Variants in FRAS1 observed in about 807,000 individuals in gnomAD.
The protein encoded by FRAS1 is Fraser extracellular matrix complex subunit 1.
Under a neutral mutation model 435.2 loss-of-function variants are expected in FRAS1, and 290 were observed. The observed-to-expected ratio is 0.67, with a 90% CI of 0.61 to 0.73. The LOEUF (loss-of-function observed/expected upper bound fraction) is 0.73. FRAS1 is among the 30% of genes least tolerant of loss of function. The pLI is 0.00. For missense variants in FRAS1, 4,860 were observed against 5,001.5 expected (o/e 0.97, Z 0.85); for synonymous variants, 1,800 against 1,851.0 (o/e 0.97, Z 0.71).
At chr4:78,298,282 G>A (rs537746049) in intron 14 of FRAS1, among the ~76,000 whole-genome samples, 40 of 123,730 alleles carry the variant, frequency 3.2e-4, no homozygotes, top group African/African-American at 1.2e-3. Context: ...GGTATACAAT[G>A]TGATATTATA....
At chr4:78,463,251 C>T (rs1374935087) in intron 47 of FRAS1, among the ~76,000 whole-genome samples, 1 of 151,872 alleles carries the variant, frequency 6.6e-6, no homozygotes, top group African/African-American at 2.4e-5. Flanking sequence ...GGATAGTTTA[C>T]CATTGTTTAA....
At chr4:78,084,003 C>G (rs1741026521) in intron 2 of FRAS1, among the ~76,000 whole-genome samples, 1 of 151,990 alleles carries the variant, frequency 6.6e-6, no homozygotes, top group Non-Finnish European at 1.5e-5. Context: ...TTGATTCTCC[C>G]TCACTCCACT....
intron 66 of FRAS1, among the ~76,000 whole-genome samples, chr4:78,517,279 A>G (rs1347230935): frequency 6.6e-6 from 1 of 152,198 alleles, no homozygotes; most frequent in Non-Finnish European, 1.5e-5. Context: ...TAAGGCGTTC[A>G]TCGGTTTTCC....
At chr4:78,064,102 G>A (rs1739881449) in intron 1 of FRAS1, among the ~76,000 whole-genome samples, 1 of 151,486 alleles carries the variant, frequency 6.6e-6, no homozygotes, top group Admixed American at 6.6e-5. Flanking sequence ...GAACTACTAA[G>A]TCTTGGAACA....
chr4:78,318,665 T>C, intron 17 of FRAS1, 145 bp from the exon 18 acceptor site: 3 of 745,894 alleles, frequency 4.0e-6, no homozygotes, highest in East Asian at 2.9e-5. Context: ...TTATTATCAC[T>C]CTGTGCTTTG....
intron 2 of FRAS1, among the ~76,000 whole-genome samples, chr4:78,087,157 G>A (rs1741225167): frequency 6.6e-6 from 1 of 152,094 alleles, no homozygotes. Context: ...CATATAAACA[G>A]AACCAAAGAC....
chr4:78,338,103 T>G (rs777018611), intron 20 of FRAS1: 1 of 289,738 alleles, frequency 3.5e-6, no homozygotes, highest in Non-Finnish European at 6.6e-6. Context: ...CATTCAAAAC[T>G]TCTTAAGATA....
intron 69 of FRAS1, among the ~76,000 whole-genome samples, chr4:78,525,934 C>T (rs116173303): frequency 5.0e-4 from 76 of 152,260 alleles, no homozygotes; most frequent in Admixed American, 2.4e-3. Flanking sequence ...TCTTGTTCTT[C>T]GACTTTATAA....
At chr4:78,088,486 C>A (rs1255378069) in intron 2 of FRAS1, among the ~76,000 whole-genome samples, 1 of 151,892 alleles carries the variant, frequency 6.6e-6, no homozygotes, top group East Asian at 1.9e-4. Flanking sequence ...TCAGAGTGAA[C>A]AGGCAACCTA....
At chr4:78,385,195 A>AC (rs1235205240) in intron 28 of FRAS1, among the ~76,000 whole-genome samples, 1 of 152,158 alleles carries the variant, frequency 6.6e-6, no homozygotes, top group East Asian at 1.9e-4. Context: ...TGCTCTAGAA[A>AC]CTGGGCTTGA....
chr4:78,162,356 A>G (rs984785452), intron 2 of FRAS1, among the ~76,000 whole-genome samples: 2 of 152,178 alleles, frequency 1.3e-5, no homozygotes, highest in African/African-American at 4.8e-5. Context: ...TCGGTCTCCC[A>G]AAAAAATTTG....
intron 2 of FRAS1, among the ~76,000 whole-genome samples, chr4:78,213,389 C>G (rs1723601987): frequency 6.6e-6 from 1 of 152,254 alleles, no homozygotes; most frequent in Non-Finnish European, 1.5e-5. Flanking sequence ...CACGATATTT[C>G]CATTGACTTG....
chr4:78,114,309 C>T (rs1239526794), intron 2 of FRAS1, among the ~76,000 whole-genome samples: 1 of 152,106 alleles, frequency 6.6e-6, no homozygotes, highest in Non-Finnish European at 1.5e-5. Flanking sequence ...CTTGGCAATG[C>T]AGGCTCTTTT....
intron 2 of FRAS1, among the ~76,000 whole-genome samples, chr4:78,078,975 G>A (rs1169783023): frequency 1.3e-5 from 2 of 152,102 alleles, no homozygotes; most frequent in African/African-American, 4.8e-5. Flanking sequence ...TTGCTTTCTG[G>A]CATTATGTAT....
chr4:78,084,311 A>G (rs1741043573), intron 2 of FRAS1, among the ~76,000 whole-genome samples: 1 of 152,108 alleles, frequency 6.6e-6, no homozygotes, highest in Admixed American at 6.6e-5. Flanking sequence ...ATAGAAATGA[A>G]TGTATAGAAA....
At chr4:78,423,188 A>G (rs1733859472) in intron 34 of FRAS1, among the ~76,000 whole-genome samples, 1 of 150,062 alleles carries the variant, frequency 6.7e-6, no homozygotes, top group African/African-American at 2.5e-5. Flanking sequence ...TTTTTTTAAG[A>G]TGGAGTCTCA....
At chr4:78,191,361 A>T (rs536721797) in intron 2 of FRAS1, among the ~76,000 whole-genome samples, 46 of 152,270 alleles carry the variant, frequency 3.0e-4, no homozygotes, top group African/African-American at 1.1e-3. Context: ...TGGCCTTGTC[A>T]TCTAGCTTTT....
At chr4:78,222,438 A>G (rs1011341835) in intron 2 of FRAS1, among the ~76,000 whole-genome samples, 8 of 152,334 alleles carry the variant, frequency 5.3e-5, no homozygotes, top group Admixed American at 2.6e-4. Context: ...GGCTTTGCAC[A>G]CAGCGACTTC....
chr4:78,425,356 C>T (rs1472695400), intron 35 of FRAS1, among the ~76,000 whole-genome samples: 1 of 152,132 alleles, frequency 6.6e-6, no homozygotes, highest in Non-Finnish European at 1.5e-5. Flanking sequence ...TGCCAATCAG[C>T]AAAAGCAGAG....
Sources: allele counts gnomAD v4.1 joint callset (sites outside exome capture counted in the v4.1 genomes callset), GRCh38; gene constraint gnomAD v4.1.1; transcripts MANE v1.5; gene names NCBI Gene and HGNC (gene_info 2026-07-23, HGNC 2026-07-21).